CEP120: variants seen among roughly 807,000 people sequenced by gnomAD.
The protein encoded by CEP120 is centrosomal protein 120.
CEP120 carries 113 observed loss-of-function variants against 126.5 expected under a neutral mutation model. The ratio of observed to expected loss-of-function variants is 0.89; its 90% CI spans 0.77 to 1.04. CEP120 has a LOEUF of 1.04. Ranked by LOEUF, CEP120 falls within the 50% of genes least tolerant of loss-of-function variation. The pLI, the probability that CEP120 is intolerant of heterozygous loss-of-function variation, is 0.00. For missense variants in CEP120, 1,230 were observed against 1,155.7 expected (o/e 1.06, Z -0.93); for synonymous variants, 400 against 394.3 (o/e 1.01, Z -0.17).
chr5:123,383,366 C>A (rs889717766), intron 11 of CEP120, among the ~76,000 whole-genome samples: 2 of 152,122 alleles, frequency 1.3e-5, no homozygotes, highest in South Asian at 2.1e-4. Context: ...TTACTGCCCA[C>A]AGGTAATTAT....
intron 18 of CEP120, among the ~76,000 whole-genome samples, chr5:123,355,900 T>TAAATAC (rs1769570419): frequency 6.7e-6 from 1 of 149,774 alleles, no homozygotes; most frequent in Admixed American, 6.7e-5. Flanking sequence ...CTGGGGTTTT[T>TAAATAC]ATGGTTTTAG....
chr5:123,386,481 A>T (rs745836516), intron 10 of CEP120, 37 bp downstream of exon 10: 11 of 1,320,908 alleles, frequency 8.3e-6, no homozygotes, highest in Non-Finnish European at 1.1e-5. Context: ...GAATTGACTT[A>T]AATTAATTAA....
At chr5:123,387,111 C>G (rs892526602) in intron 9 of CEP120, among the ~76,000 whole-genome samples, 1 of 152,110 alleles carries the variant, frequency 6.6e-6, no homozygotes, top group Non-Finnish European at 1.5e-5. Flanking sequence ...AACACTGTTT[C>G]TCCCTTTCAT....
At chr5:123,390,254 T>C in intron 7 of CEP120, 114 bp from the exon 8 acceptor site, 1 of 834,726 alleles carries the variant, frequency 1.2e-6, no homozygotes, top group South Asian at 1.5e-5. Flanking sequence ...GTTTGGATAT[T>C]CCTAGTCTAT....
intron 18 of CEP120, among the ~76,000 whole-genome samples, chr5:123,356,247 T>C (rs1769612330): frequency 6.6e-6 from 1 of 152,144 alleles, no homozygotes; most frequent in Non-Finnish European, 1.5e-5. Context: ...TGGCTTAGGA[T>C]TGACTTGGCA....
At chr5:123,383,267 C>T (rs1771782816) in intron 11 of CEP120, among the ~76,000 whole-genome samples, 185 bp from the exon 12 acceptor site, 3 of 152,176 alleles carry the variant, frequency 2.0e-5, no homozygotes, top group South Asian at 4.1e-4. Flanking sequence ...AATTGATCAT[C>T]ACAAACACCC....
intron 4 of CEP120, among the ~76,000 whole-genome samples, chr5:123,399,662 G>C (rs762118504): frequency 6.6e-6 from 1 of 152,110 alleles, no homozygotes; most frequent in African/African-American, 2.4e-5. Context: ...AGACAGAAGG[G>C]ACAGTATGTA....
At chr5:123,370,506 T>C (rs1770777338) in intron 17 of CEP120, among the ~76,000 whole-genome samples, 1 of 151,666 alleles carries the variant, frequency 6.6e-6, no homozygotes, top group Admixed American at 6.6e-5. Flanking sequence ...AGATAAGTTC[T>C]TGCTCTGTCA....
chr5:123,417,884 TAAC>T (rs1774480895), intron 2 of CEP120, among the ~76,000 whole-genome samples: 1 of 152,174 alleles, frequency 6.6e-6, no homozygotes, highest in Non-Finnish European at 1.5e-5. Context: ...GAAATAAAAA[TAAC>T]AACTTCATAG....
chr5:123,399,184 G>A lies in CEP120; in HGVS notation c.564C>T (p.Asp188=). 3 of 1,613,938 alleles carry A rather than the reference G, an allele frequency of 1.9e-6. No homozygotes were observed. The highest frequency in any genetic ancestry group is 2.5e-6 in the Non-Finnish European group (3 of 1,179,864). The stretch of plus-strand genomic sequence containing the variant: ...CTATGGTCACTGACATAATAAAGGA[G>A]TCAGTACAGTATTCTGCTGGTCCAA... ...HQIGPAEYCT[D]SFIMSVTIAF... is the part of the protein sequence containing the mutation. Residue 188 remains aspartate (D), a synonymous_variant, in exon 5 of 20, where the codon GAC becomes GAT. Transcript: ENST00000306467.
intron 6 of CEP120, among the ~76,000 whole-genome samples, chr5:123,393,033 T>C (rs1437901594): frequency 6.6e-6 from 1 of 152,120 alleles, no homozygotes; most frequent in Non-Finnish European, 1.5e-5. Context: ...TATAATTTTT[T>C]TTATTGCAAA....
intron 19 of CEP120, 42 bp downstream of exon 19, chr5:123,349,902 C>A (rs188606476): frequency 2.5e-6 from 4 of 1,586,454 alleles, no homozygotes; most frequent in Non-Finnish European, 3.4e-6. Context: ...CTTCCCTGAA[C>A]CAAACTTTGG....
chr5:123,390,641 T>C (rs1265201875), intron 7 of CEP120, among the ~76,000 whole-genome samples: 1 of 152,168 alleles, frequency 6.6e-6, no homozygotes, highest in Non-Finnish European at 1.5e-5. Context: ...TTTCTGGGAA[T>C]AGATACAATA....
At chr5:123,361,808 T>C (rs184425129) in intron 18 of CEP120, among the ~76,000 whole-genome samples, 26 of 151,892 alleles carry the variant, frequency 1.7e-4, no homozygotes, top group African/African-American at 4.8e-4. Flanking sequence ...ACTGAGCACA[T>C]ACTATGTATC....
rs1025993339 is a variant in CEP120, at chr5:123,344,993, T to A, written c.*1526A>T. On this transcript the variant is annotated 3_prime_UTR_variant, in exon 20 of 20. Transcript: ENST00000306467. ...CCATTTTAGAAAAGTCCTTTTTATT[T>A]CTTTAAATCAGAGGCCCCCTCTAGC... is the stretch of plus-strand genomic sequence containing the variant. The A allele has an allele frequency of 6.6e-6, 1 of 152,184 alleles. No homozygotes were observed. The highest frequency in any genetic ancestry group is 1.5e-5 in the Non-Finnish European group (1 of 68,026). The allele number at this position is 152,184 out of a possible 1,614,324, so 9.4% of individuals were successfully genotyped here.
chr5:123,400,230 T>G (rs1773088149), intron 4 of CEP120, among the ~76,000 whole-genome samples: 1 of 152,110 alleles, frequency 6.6e-6, no homozygotes, highest in Non-Finnish European at 1.5e-5. Context: ...AAGGTTCCAA[T>G]CCCAGTTCTG....
chr5:123,373,786 C>CT (rs2127024717), intron 16 of CEP120, among the ~76,000 whole-genome samples: 1 of 152,152 alleles, frequency 6.6e-6, no homozygotes, highest in African/African-American at 2.4e-5. Flanking sequence ...ACTATAAGGC[C>CT]TCCACAGTCA....
At chr5:123,382,594 A>T (rs761627970) in intron 13 of CEP120, 143 bp downstream of exon 13, 14 of 731,272 alleles carry the variant, frequency 1.9e-5, no homozygotes, top group Non-Finnish European at 2.8e-5. Flanking sequence ...TGATTCTCAA[A>T]TTTTTTTAAG....
chr5:123,396,858 G>A (rs1307482698), intron 5 of CEP120, among the ~76,000 whole-genome samples: 3 of 152,130 alleles, frequency 2.0e-5, no homozygotes, highest in Admixed American at 2.0e-4. Context: ...CCTAAGACTT[G>A]CTTTCCTTAT....
Sources: allele counts gnomAD v4.1 joint callset (sites outside exome capture counted in the v4.1 genomes callset), GRCh38; gene constraint gnomAD v4.1.1; transcripts MANE v1.5; gene names NCBI Gene and HGNC (gene_info 2026-07-23, HGNC 2026-07-21).